DIP2A: variants seen among roughly 807,000 people sequenced by gnomAD.
DIP2A encodes the protein disco-interacting protein 2 homolog A.
A neutral mutation model predicts 177.4 loss-of-function variants in DIP2A; 85 were observed. The ratio of observed to expected loss-of-function variants is 0.48; its 90% CI spans 0.40 to 0.57. The LOEUF is 0.57. Ranked by LOEUF, DIP2A falls within the 20% of genes least tolerant of loss-of-function variation. The pLI is 0.00. For synonymous variants in DIP2A, 886 were observed against 881.8 expected, an observed-to-expected ratio of 1.00 and a Z score of -0.08; for missense variants, 1,791 against 2,100.2, an observed-to-expected ratio of 0.85 and a Z score of 2.88.
chr21:46,542,797 TC>T (rs1428838787), intron 18 of DIP2A, among the ~76,000 whole-genome samples: 2 of 152,226 alleles, frequency 1.3e-5, no homozygotes, highest in African/African-American at 4.8e-5. Flanking sequence ...TCTCCCCCCT[TC>T]CAATGCGGCC....
intron 36 of DIP2A, 113 bp from the exon 37 acceptor site, chr21:46,566,447 T>G: frequency 7.0e-7 from 1 of 1,435,156 alleles, no homozygotes; most frequent in African/African-American, 1.4e-5. Context: ...TCATGATGTT[T>G]CAGTTGAGAC....
intron 1 of DIP2A, among the ~76,000 whole-genome samples, chr21:46,467,494 A>C (rs2148285226): frequency 6.6e-6 from 1 of 152,226 alleles, no homozygotes; most frequent in Middle Eastern, 3.4e-3. Flanking sequence ...CAGTCTCTTG[A>C]ATAACTAGAA....
chr21:46,503,927 T>C (rs541580837), intron 5 of DIP2A, among the ~76,000 whole-genome samples: 8 of 152,210 alleles, frequency 5.3e-5, no homozygotes, highest in Non-Finnish European at 1.2e-4. Flanking sequence ...GGTTTCGCCA[T>C]GTTGGCCAGG....
At chr21:46,496,122 T>G (rs903884869) in intron 3 of DIP2A, among the ~76,000 whole-genome samples, 1 of 151,744 alleles carries the variant, frequency 6.6e-6, no homozygotes, top group Non-Finnish European at 1.5e-5. Flanking sequence ...GTGCACAGGC[T>G]GGTCCTGGCC....
At chr21:46,575,968 G>C in the DIP2A span, among the ~76,000 whole-genome samples, 5 of 152,130 alleles carry the variant, frequency 3.3e-5, no homozygotes, top group African/African-American at 1.2e-4. Context: ...AAAGCTGTAA[G>C]ACAGTTCTCC....
At chr21:46,502,037 C>T (rs2057679554) in intron 5 of DIP2A, among the ~76,000 whole-genome samples, 2 of 152,178 alleles carry the variant, frequency 1.3e-5, no homozygotes, top group African/African-American at 2.4e-5. Flanking sequence ...AAAGTTACTG[C>T]TTTACATTGT....
At chr21:46,546,459 C>G (rs2060043758) in intron 20 of DIP2A, among the ~76,000 whole-genome samples, 1 of 152,248 alleles carries the variant, frequency 6.6e-6, no homozygotes, top group East Asian at 1.9e-4. Flanking sequence ...AGAGATGCTG[C>G]TCAGTGTCCA....
downstream of DIP2A, among the ~76,000 whole-genome samples, chr21:46,570,123 G>C (rs1051999063): frequency 2.6e-5 from 4 of 152,162 alleles, no homozygotes; most frequent in Non-Finnish European, 1.5e-5. Flanking sequence ...CAACAGGACT[G>C]CAGTGAGCCC....
chr21:46,567,079 A>G (rs2060859124), intron 37 of DIP2A, among the ~76,000 whole-genome samples: 1 of 152,252 alleles, frequency 6.6e-6, no homozygotes. Context: ...TACTTTTAAT[A>G]TGAGTTTCTC....
At position 46,538,797 on chromosome 21, in the gene DIP2A, A is replaced by G. The variant is rs2059680418; in HGVS notation, c.1921+195A>G. 1.1e-5 allele frequency: 9 copies of G among 789,454 alleles called. No individual in the cohort carries two copies. In the Admixed American group the frequency reaches 2.1e-4, roughly 19 times the overall value. The allele number at this position is 789,454 out of a possible 1,614,324, so 48.9% of individuals were successfully genotyped here. The stretch of plus-strand genomic sequence containing the variant: ...TCCCATGCATGTTTATTAGGCCACT[A>G]AATTTAAAAGCAATTTTAATATGCT... On this transcript the variant is annotated intron_variant, in intron 16 of 37. Coordinates refer to ENST00000417564, the MANE Select transcript of DIP2A (RefSeq NM_015151.4).
chr21:46,508,353 C>CTTTTTT (rs571637777), intron 6 of DIP2A, among the ~76,000 whole-genome samples: 4 of 90,504 alleles, frequency 4.4e-5, no homozygotes, highest in Non-Finnish European at 8.4e-5. Context: ...TGGCCAATGA[C>CTTTTTT]TTTTTTTTTT....
At chr21:46,539,838 C>T (rs762572875) in intron 16 of DIP2A, 39 bp from the exon 17 acceptor site, 1 of 1,526,364 alleles carries the variant, frequency 6.6e-7, no homozygotes. Flanking sequence ...GCTGGCCCCC[C>T]AGTTAGTGCT....
chr21:46,478,432 G>A (rs1321966385), intron 1 of DIP2A, among the ~76,000 whole-genome samples: 5 of 151,858 alleles, frequency 3.3e-5, no homozygotes, highest in Admixed American at 2.6e-4. Flanking sequence ...GGCTGGTCTC[G>A]AACTCCGGAC....
chr21:46,532,504 C>T (rs1445700836), intron 10 of DIP2A, among the ~76,000 whole-genome samples: 1 of 152,214 alleles, frequency 6.6e-6, no homozygotes, highest in Non-Finnish European at 1.5e-5. Context: ...GCTGTTCTAT[C>T]ATCTACATGA....
At chr21:46,529,968 A>G (rs1391966438) in intron 9 of DIP2A, among the ~76,000 whole-genome samples, 1 of 152,214 alleles carries the variant, frequency 6.6e-6, no homozygotes, top group East Asian at 1.9e-4. Flanking sequence ...TATTTAAATT[A>G]ACCAAAATTA....
chr21:46,579,897 A>T, the DIP2A span, among the ~76,000 whole-genome samples: 41 of 152,298 alleles, frequency 2.7e-4, no homozygotes, highest in Middle Eastern at 6.8e-3. Context: ...AGTAAGTGCC[A>T]TGTGGTGCCA....
intron 6 of DIP2A, among the ~76,000 whole-genome samples, chr21:46,505,534 G>A (rs1487111001): frequency 2.6e-5 from 4 of 152,120 alleles, no homozygotes; most frequent in South Asian, 2.1e-4. Flanking sequence ...GCTTGAACCC[G>A]AGAGGCGGAG....
chr21:46,555,760 G>T, intron 28 of DIP2A: 1 of 559,036 alleles, frequency 1.8e-6, no homozygotes, highest in Admixed American at 3.0e-5. Context: ...ATCCCCACAG[G>T]CTCAGTGTGG....
chr21:46,466,269 AAGAT>A (rs899782905), intron 1 of DIP2A, among the ~76,000 whole-genome samples: 3 of 152,180 alleles, frequency 2.0e-5, no homozygotes, highest in African/African-American at 7.2e-5. Context: ...ATTCATTCAA[AAGAT>A]AGACCAATGG....
Sources: allele counts gnomAD v4.1 joint callset (sites outside exome capture counted in the v4.1 genomes callset), GRCh38; gene constraint gnomAD v4.1.1; transcripts MANE v1.5; gene names NCBI Gene and HGNC (gene_info 2026-07-23, HGNC 2026-07-21).